The following USP34 variants were observed in gnomAD, a reference collection of about 807,000 sequenced individuals.
USP34 encodes ubiquitin carboxyl-terminal hydrolase 34.
Under a neutral mutation model 460.3 loss-of-function variants are expected in USP34, and 70 were observed. The observed-to-expected ratio is 0.15, with a 90% CI of 0.13 to 0.19. The LOEUF (loss-of-function observed/expected upper bound fraction) is 0.19. Among genes scored for constraint, USP34 ranks in the 10% least tolerant of loss-of-function variants. The probability of loss-of-function intolerance (pLI) is 1.00; values close to 1 mark genes in which losing one functional copy is unlikely to be tolerated. For missense variants in USP34, 3,985 were observed against 4,236.2 expected, an observed-to-expected ratio of 0.94 and a Z score of 1.65; for synonymous variants, 1,647 against 1,405.3, an observed-to-expected ratio of 1.17 and a Z score of -3.85.
chr2:61,188,100 T>C lies in USP34; in HGVS notation c.*2A>G. 6.2e-7 allele frequency: 1 copy of C among 1,610,440 alleles called. No individual in the cohort carries two copies. Among genetic ancestry groups the C allele is most frequent in the Non-Finnish European group, 8.5e-7 (1 of 1,177,920 alleles). ...TTAAAAGTAGACATGCTACACCTAA[T>C]GTCAAGAAGCAGCTTGGTTTCCTTT... is the stretch of plus-strand genomic sequence containing the variant. On this transcript the variant is annotated 3_prime_UTR_variant, in exon 80 of 80. Transcript: ENST00000398571.
chr2:61,325,491 T>C, intron 20 of USP34, 34 bp from the exon 21 acceptor site: 2 of 1,349,980 alleles, frequency 1.5e-6, no homozygotes, highest in Non-Finnish European at 2.0e-6. Context: ...TAATTAAATA[T>C]CCTATTTCTT....
intron 1 of USP34, among the ~76,000 whole-genome samples, chr2:61,450,297 G>A (rs1442294017): frequency 2.0e-5 from 3 of 152,124 alleles, no homozygotes; most frequent in Non-Finnish European, 4.4e-5. Context: ...GTAGCTTAGG[G>A]TGACTGATTG....
chr2:61,256,415 G>A lies in USP34; in HGVS notation c.6190C>T (p.His2064Tyr). ...LEGDNMYTCS[H>Y]CGKKVRAEKR... is the part of the protein sequence containing the mutation. ...TCAGCTCGTACTTTCTTCCCACAAT[G>A]AGAACAAGTATACATGTTATCACCT... Residue 2064 changes from histidine to tyrosine, a missense_variant, in exon 48 of 80, where the codon CAT (histidine) becomes TAT (tyrosine). Coordinates refer to ENST00000398571, the MANE Select transcript of USP34 (RefSeq NM_014709.4). 6.2e-7 allele frequency: 1 copy of A among 1,612,168 alleles called. No individual in the cohort carries two copies. Among genetic ancestry groups the A allele is most frequent in the South Asian group, 1.1e-5 (1 of 90,704 alleles).
chr2:61,315,113 T>G (rs1175814562), intron 23 of USP34, 139 bp from the exon 24 acceptor site: 1 of 601,166 alleles, frequency 1.7e-6, no homozygotes, highest in Non-Finnish European at 2.8e-6. Context: ...GATTTAAAAA[T>G]TTCCTCAATT....
chr2:61,270,703 T>C (rs752104684), intron 41 of USP34, among the ~76,000 whole-genome samples: 1 of 152,126 alleles, frequency 6.6e-6, no homozygotes, highest in Non-Finnish European at 1.5e-5. Flanking sequence ...CCCAATGTGC[T>C]GGGATTACAG....
chr2:61,322,662 C>G (rs1287091339), intron 21 of USP34, among the ~76,000 whole-genome samples: 2 of 152,148 alleles, frequency 1.3e-5, no homozygotes, highest in African/African-American at 4.8e-5. Context: ...AAAAATTCCT[C>G]AGAAATATTC....
intron 25 of USP34, among the ~76,000 whole-genome samples, chr2:61,312,770 G>C (rs1029529758): frequency 1.3e-5 from 2 of 152,168 alleles, no homozygotes; most frequent in Non-Finnish European, 2.9e-5. Flanking sequence ...CTCATGCTCT[G>C]ATGTTCAGCA....
At chr2:61,460,853 C>T (rs1695577352) in intron 1 of USP34, among the ~76,000 whole-genome samples, 1 of 151,744 alleles carries the variant, frequency 6.6e-6, no homozygotes, top group Non-Finnish European at 1.5e-5. Flanking sequence ...CATAGTGACG[C>T]ACGCCTGTAG....
In USP34 at chr2:61,206,022, C is replaced by G. The variant is rs1190990732; in HGVS notation, c.9149G>C (p.Cys3050Ser). The G allele has an allele frequency of 1.2e-6, 2 of 1,611,396 alleles. No homozygotes were observed. Among genetic ancestry groups the G allele is most frequent in the Non-Finnish European group, 1.7e-6 (2 of 1,177,940 alleles). ...SYSPPELRNA[C>S]IDVLKELVLL... Reference sequence around the variant, plus strand: ...GAATTTTTCAAGTAACTTACCTATACAGGCATTTCTAAGTTCTGGAGGACT... The same window carrying G: ...GAATTTTTCAAGTAACTTACCTATAGAGGCATTTCTAAGTTCTGGAGGACT... The change falls in exon 72 of 80, where the codon TGT becomes TCT. Residue 3050 changes from cysteine (C) to serine (S), a missense_variant. This residue lies in a region of USP34 where 275 missense variants were observed against 292.7 expected (regional missense o/e 0.94). Coordinates refer to ENST00000398571, the MANE Select transcript of USP34 (RefSeq NM_014709.4).
At chr2:61,404,569 G>A (rs1398547977) in intron 3 of USP34, among the ~76,000 whole-genome samples, 2 of 152,078 alleles carry the variant, frequency 1.3e-5, no homozygotes, top group African/African-American at 4.8e-5. Flanking sequence ...ACTATTTAAG[G>A]AAGCCAATCT....
chr2:61,325,355 G>T lies in USP34; in HGVS notation c.3013+20C>A, dbSNP rs1691054690. 1 of 1,477,096 alleles carries T rather than the reference G, an allele frequency of 6.8e-7. No individual in the cohort carries two copies. Among genetic ancestry groups the T allele is most frequent in the Non-Finnish European group, 9.1e-7 (1 of 1,098,850 alleles). The allele number at this position is 1,477,096 out of a possible 1,614,324, so 91.5% of individuals were successfully genotyped here. ...AATAGTCAAAACAGATTTTTAAAAA[G>T]TACTGATTAAAAAACTTACTGAAAT... On this transcript the variant is annotated intron_variant, in intron 21 of 79. Coordinates refer to ENST00000398571, the MANE Select transcript of USP34 (RefSeq NM_014709.4).
intron 1 of USP34, among the ~76,000 whole-genome samples, chr2:61,441,207 A>G (rs1022576394): frequency 6.7e-6 from 1 of 150,124 alleles, no homozygotes; most frequent in African/African-American, 2.5e-5. Flanking sequence ...TTGCGATCAT[A>G]GCTCACTGTA....
chr2:61,295,041 A>G lies in USP34; in HGVS notation c.4378-9T>C. The G allele has an allele frequency of 6.2e-7, 1 of 1,609,364 alleles. No individual in the cohort carries two copies. The highest frequency in any genetic ancestry group is 2.2e-5 in the East Asian group (1 of 44,742). ...AGATCACTGTAACTTCCCTATGAGA[A>G]AGGCAAAAAAAGTAAGGCAGAATGG... is the stretch of plus-strand genomic sequence containing the variant. On this transcript the variant is annotated splice_polypyrimidine_tract_variant and intron_variant, in intron 31 of 79. Transcript: ENST00000398571.
chr2:61,303,716 C>A lies in USP34; in HGVS notation c.3818-2262G>T, dbSNP rs1035989694. The stretch of plus-strand genomic sequence containing the variant: ...GGTTCACGCCATTCTCCTGCCTCAG[C>A]CTCCCAAGTAGCTGGGACTACAGGC... On this transcript the variant is annotated intron_variant, in intron 27 of 79. Transcript: ENST00000398571. 2.0e-5 allele frequency among the ~76,000 whole-genome samples: 3 copies of A among 151,928 alleles called. No individual in the cohort carries two copies. The East Asian group carries it at 5.8e-4, about 29-fold the overall frequency.
chr2:61,380,257 C>T lies in USP34; in HGVS notation c.926G>A (p.Cys309Tyr), dbSNP rs748019077. 6.2e-7 allele frequency: 1 copy of T among 1,614,086 alleles called. No individual in the cohort carries two copies. Among genetic ancestry groups the T allele is most frequent in the East Asian group, 2.2e-5 (1 of 44,880 alleles). Residue 309 changes from cysteine (C) to tyrosine (Y), a missense_variant, in exon 7 of 80, where the codon TGC becomes TAC. Coordinates refer to ENST00000398571, the MANE Select transcript of USP34 (RefSeq NM_014709.4). Reference protein sequence around the residue: ...TVKEPLDTTLCFDKESLDLAF... With the variant: ...TVKEPLDTTLYFDKESLDLAF... The stretch of plus-strand genomic sequence containing the variant: ...AAGATCTAGGCTTTCTTTATCAAAG[C>T]ATAATGTTGTATCCAATGGTTCTTT...
At chr2:61,215,416 C>G (rs984667747) in intron 67 of USP34, among the ~76,000 whole-genome samples, 10 of 152,146 alleles carry the variant, frequency 6.6e-5, no homozygotes, top group Non-Finnish European at 1.2e-4. Context: ...TTTGGAAAAT[C>G]TTTAGAAGTC....
At chr2:61,317,244 G>A (rs923355909) in intron 23 of USP34, among the ~76,000 whole-genome samples, 11 of 151,930 alleles carry the variant, frequency 7.2e-5, no homozygotes, top group African/African-American at 2.7e-4. Context: ...GAACAGAATT[G>A]GGCTGAGCAC....
At chr2:61,234,358 A>C (rs956601613) in intron 57 of USP34, among the ~76,000 whole-genome samples, 1 of 152,236 alleles carries the variant, frequency 6.6e-6, no homozygotes, top group Non-Finnish European at 1.5e-5. Flanking sequence ...GCTAACCTAG[A>C]AGTTAAGATG....
intron 27 of USP34, 57 bp from the exon 28 acceptor site, chr2:61,301,511 G>T: frequency 1.4e-6 from 2 of 1,452,244 alleles, no homozygotes; most frequent in Admixed American, 1.7e-5. Flanking sequence ...CTTACTTGCT[G>T]ATAAGAATAT....
Sources: allele counts gnomAD v4.1 joint callset (sites outside exome capture counted in the v4.1 genomes callset), GRCh38; gene constraint gnomAD v4.1.1; regional missense constraint gnomAD v4.1.1; transcripts MANE v1.5; gene names NCBI Gene and HGNC (gene_info 2026-07-23, HGNC 2026-07-21).